The following SLC4A5 variants were observed in gnomAD, a reference collection of about 807,000 sequenced individuals.
The protein encoded by SLC4A5 is solute carrier family 4 member 5.
SLC4A5 carries 96 observed loss-of-function variants against 120.4 expected under a neutral mutation model. That is an observed-to-expected ratio of 0.80 (90% CI 0.68 to 0.94). SLC4A5 has a LOEUF of 0.94. Ranked by LOEUF, SLC4A5 falls within the 40% of genes least tolerant of loss-of-function variation. The pLI is 0.00. For synonymous variants in SLC4A5, 550 were observed against 571.1 expected (o/e 0.96, Z 0.53); for missense variants, 1,259 against 1,459.5 (o/e 0.86, Z 2.24).
chr2:74,295,585 G>C (rs910166489), intron 7 of SLC4A5, among the ~76,000 whole-genome samples: 6 of 152,106 alleles, frequency 3.9e-5, no homozygotes, highest in African/African-American at 1.4e-4. Context: ...AGTGAGCAGA[G>C]ATCATACCAC....
At chr2:74,276,767 T>G (rs1229214260) in intron 8 of SLC4A5, among the ~76,000 whole-genome samples, 2 of 149,262 alleles carry the variant, frequency 1.3e-5, no homozygotes, top group African/African-American at 5.0e-5. Flanking sequence ...TCCCCATACC[T>G]CCTACCTCTG....
intron 19 of SLC4A5, among the ~76,000 whole-genome samples, chr2:74,244,483 CCT>C (rs199589662): frequency 1.5e-4 from 12 of 79,674 alleles, no homozygotes; most frequent in African/African-American, 4.1e-4. Flanking sequence ...TCTTTCTTCT[CCT>C]TTCTCTCTCC....
At chr2:74,221,497 T>G in exon 30 of SLC4A5, 1 of 1,614,180 alleles carries the variant, frequency 6.2e-7, no homozygotes, top group Non-Finnish European at 8.5e-7. Context: ...TGGAAGATCT[T>G]TTTCCTGGCA....
At chr2:74,285,795 T>C in exon 8 of SLC4A5, 4 of 1,611,560 alleles carry the variant, frequency 2.5e-6, no homozygotes, top group Non-Finnish European at 3.4e-6. Context: ...TTCCACTCCA[T>C]CTGGTCTCCG....
intron 30 of SLC4A5, among the ~76,000 whole-genome samples, chr2:74,219,176 G>GGTGTGTGTGT (rs58141033): frequency 2.2e-4 from 29 of 134,308 alleles, no homozygotes; most frequent in East Asian, 2.0e-3. Context: ...GCTCTTTGGA[G>GGTGTGTGTGT]GTGTGTGTGT....
chr2:74,272,768 T>C (rs1232833497), intron 8 of SLC4A5, among the ~76,000 whole-genome samples: 1 of 152,222 alleles, frequency 6.6e-6, no homozygotes, highest in Non-Finnish European at 1.5e-5. Flanking sequence ...GTCAGAGATA[T>C]AATTAGAGGA....
chr2:74,297,097 G>C (rs1162349262), intron 7 of SLC4A5, among the ~76,000 whole-genome samples: 5 of 152,116 alleles, frequency 3.3e-5, no homozygotes, highest in African/African-American at 9.7e-5. Context: ...ATGAAGGCTT[G>C]AATATTTTTC....
At chr2:74,279,822 C>G (rs997478210) in intron 8 of SLC4A5, among the ~76,000 whole-genome samples, 1 of 152,216 alleles carries the variant, frequency 6.6e-6, no homozygotes, top group Admixed American at 6.5e-5. Flanking sequence ...GGTTGGAATT[C>G]TGGGTGTCTC....
In SLC4A5 at chr2:74,255,780, G is replaced by A. The variant is rs755280025; in HGVS notation, c.1020C>T (p.Pro340=). 1.2e-6 allele frequency: 2 copies of A among 1,614,096 alleles called. No homozygotes were observed. The highest frequency in any genetic ancestry group is 8.5e-7 in the Non-Finnish European group (1 of 1,180,004). ...CAGGTTTCAATGGCTCTCACCTGGT[G>A]GGGACAGGCACCTCGGTCACTCCTC... is the stretch of plus-strand genomic sequence containing the variant. Residue 340 remains proline (P), a synonymous_variant, in exon 13 of 31, where the codon CCC becomes CCT. Coordinates refer to ENST00000394019, the Ensembl canonical transcript of SLC4A5. The surrounding 1 kb of genome is among the most constrained non-coding windows in gnomAD (Gnocchi z 4.0).
intron 7 of SLC4A5, among the ~76,000 whole-genome samples, chr2:74,303,429 G>A (rs980601347): frequency 2.0e-5 from 3 of 152,148 alleles, no homozygotes; most frequent in African/African-American, 7.2e-5. Flanking sequence ...AAGACAGTGA[G>A]CTATATATAG....
At chr2:74,220,601 C>A in intron 30 of SLC4A5, among the ~76,000 whole-genome samples, 1 of 151,550 alleles carries the variant, frequency 6.6e-6, no homozygotes, top group East Asian at 1.9e-4. Flanking sequence ...ACTGCAAGCT[C>A]CGCCTCCCAG....
intron 21 of SLC4A5, among the ~76,000 whole-genome samples, chr2:74,238,550 A>G (rs1670340959): frequency 6.6e-6 from 1 of 152,224 alleles, no homozygotes; most frequent in Admixed American, 6.5e-5. Flanking sequence ...AAGAACCCAG[A>G]AACAGACCCT....
chr2:74,303,368 G>A (rs2104252446), intron 7 of SLC4A5, among the ~76,000 whole-genome samples: 1 of 152,184 alleles, frequency 6.6e-6, no homozygotes, highest in South Asian at 2.1e-4. Context: ...CACTGCCTCT[G>A]ACACTCCTTG....
intron 8 of SLC4A5, among the ~76,000 whole-genome samples, chr2:74,275,396 C>T (rs144956774): frequency 3.3e-4 from 50 of 152,352 alleles, no homozygotes; most frequent in African/African-American, 1.1e-3. Flanking sequence ...GAACCAAAAC[C>T]TCTCTGAGGG....
chr2:74,264,993 A>T, intron 9 of SLC4A5, 111 bp downstream of exon 9: 1 of 1,220,916 alleles, frequency 8.2e-7, no homozygotes, highest in South Asian at 1.5e-5. Context: ...CTGCAGAATC[A>T]GGTGTCAGAG....
Position 74,227,099 on chromosome 2 carries a change from G to A in SLC4A5, c.2948C>T (p.Pro983Leu), listed in dbSNP as rs1694869462. The change falls in exon 27 of 31, where the codon CCA (proline) becomes CTA (leucine). Residue 983 changes from proline to leucine, a missense_variant. Coordinates refer to ENST00000394019, the Ensembl canonical transcript of SLC4A5. ...GGCATGGTCCGGCTGGTGCTTGGCT[G>A]GCATCAGGAAGAGCTTGCAGCGTTC... The A allele has an allele frequency of 3.7e-6, 6 of 1,613,722 alleles. No individual in the cohort carries two copies. The highest frequency in any genetic ancestry group is 1.3e-5 in the African/African-American group (1 of 74,944).
chr2:74,343,360 G>A (rs2104365717), exon 1 of SLC4A5: 1 of 152,260 alleles, frequency 6.6e-6, no homozygotes, highest in African/African-American at 2.4e-5. Flanking sequence ...ACTTACCCCA[G>A]TGCAGTGGCC....
intron 11 of SLC4A5, among the ~76,000 whole-genome samples, chr2:74,260,718 T>G (rs1671108208): frequency 6.6e-6 from 1 of 152,176 alleles, no homozygotes. Flanking sequence ...CATTCTGGAA[T>G]GCAGGCTCAG....
At chr2:74,240,725 A>G (rs528370225) in intron 20 of SLC4A5, among the ~76,000 whole-genome samples, 2 of 151,732 alleles carry the variant, frequency 1.3e-5, no homozygotes, top group South Asian at 2.1e-4. Flanking sequence ...TGATACGATC[A>G]CACCACTACA....
Sources: allele counts gnomAD v4.1 joint callset (sites outside exome capture counted in the v4.1 genomes callset), GRCh38; gene constraint gnomAD v4.1.1; non-coding constraint Gnocchi (gnomAD v3.1); transcripts MANE v1.5; gene names NCBI Gene and HGNC (gene_info 2026-07-23, HGNC 2026-07-21).